Variants in LNPEP observed in about 807,000 individuals in gnomAD.
The protein encoded by LNPEP is leucyl-cystinyl aminopeptidase.
LNPEP carries 64 observed loss-of-function variants against 120.6 expected under a neutral mutation model. The observed-to-expected ratio is 0.53, with a 90% CI of 0.43 to 0.65. The LOEUF (loss-of-function observed/expected upper bound fraction) is 0.65. Among genes scored for constraint, LNPEP ranks in the 30% least tolerant of loss-of-function variants. The probability of loss-of-function intolerance (pLI) is 0.00; values close to 1 mark genes in which losing one functional copy is unlikely to be tolerated. For synonymous variants in LNPEP, 435 were observed against 425.4 expected (o/e 1.02, Z -0.28); for missense variants, 1,057 against 1,200.0 (o/e 0.88, Z 1.76).
intron 1 of LNPEP, among the ~76,000 whole-genome samples, chr5:96,953,526 A>T (rs2112569854): frequency 6.6e-6 from 1 of 152,322 alleles, no homozygotes; most frequent in East Asian, 1.9e-4. Flanking sequence ...GAGGCCATTT[A>T]AAGTCCTGTT....
intron 1 of LNPEP, among the ~76,000 whole-genome samples, chr5:96,976,787 A>C (rs1447774749): frequency 6.6e-6 from 1 of 152,158 alleles, no homozygotes; most frequent in Non-Finnish European, 1.5e-5. Flanking sequence ...GCAGTGTGCC[A>C]GGAACCAAAA....
At position 97,026,632 on chromosome 5, in the gene LNPEP, C is replaced by A. The variant is rs1344760382; in HGVS notation, c.2739C>A (p.Ser913Arg). Residue 913 changes from serine (S) to arginine (R), a missense_variant, in exon 16 of 18, where the codon AGC (serine) becomes AGA (arginine). Transcript: ENST00000231368. The part of the protein sequence containing the change: ...VRKLYWLMKS[S>R]LNGDNFRTQK... ...TGCTCTTCAGGTTAATGAAAAGTAG[C>A]CTGAATGGAGATAACTTCCGAACAC... The A allele has an allele frequency of 6.2e-7, 1 of 1,612,672 alleles. No homozygotes were observed.
At chr5:96,984,866 C>T (rs1162264134) in intron 2 of LNPEP, among the ~76,000 whole-genome samples, 2 of 152,138 alleles carry the variant, frequency 1.3e-5, no homozygotes, top group Non-Finnish European at 2.9e-5. Context: ...AATTTGTTTC[C>T]TTCCCTTTGT....
At chr5:97,001,567 C>T (rs983556318) in intron 8 of LNPEP, among the ~76,000 whole-genome samples, 1 of 151,972 alleles carries the variant, frequency 6.6e-6, no homozygotes, top group Non-Finnish European at 1.5e-5. Flanking sequence ...ATTTGGAAAC[C>T]TTGGAGTTGG....
intron 1 of LNPEP, among the ~76,000 whole-genome samples, chr5:96,948,309 G>A (rs536289120): frequency 1.3e-5 from 2 of 152,174 alleles, no homozygotes; most frequent in South Asian, 4.2e-4. Flanking sequence ...GTGGAGACAG[G>A]GTTACACCCT....
At chr5:97,005,585 A>C (rs1381917954) in intron 9 of LNPEP, among the ~76,000 whole-genome samples, 1 of 152,178 alleles carries the variant, frequency 6.6e-6, no homozygotes, top group African/African-American at 2.4e-5. Context: ...AGGTCCTAAG[A>C]GACTATCATT....
At chr5:96,995,009 G>A (rs1396274683) in intron 6 of LNPEP, among the ~76,000 whole-genome samples, 2 of 152,266 alleles carry the variant, frequency 1.3e-5, no homozygotes, top group East Asian at 1.9e-4. Flanking sequence ...TTGGGAGGCC[G>A]AGGCAAAAGA....
At position 97,024,577 on chromosome 5, in the gene LNPEP, G is replaced by C. The variant is rs757995821; in HGVS notation, c.2618G>C (p.Gly873Ala). Residue 873 changes from glycine (G) to alanine (A), a missense_variant, in exon 15 of 18, where the codon GGC becomes GCC. Gly to Ala is a moderately conservative substitution (Grantham distance 60). Coordinates refer to ENST00000231368, the MANE Select transcript of LNPEP (RefSeq NM_005575.3). The part of the protein sequence containing the change: ...VFKVGAKTDK[G>A]WSFLLGKYIS... ...AAAGTTGGAGCAAAAACTGACAAAG[G>C]CTGGTCATTCCTTTTGGGCAAATAC... 1.2e-6 allele frequency: 2 copies of C among 1,614,046 alleles called. No homozygotes were observed. The highest frequency in any genetic ancestry group is 2.7e-5 in the African/African-American group (2 of 75,050).
chr5:96,963,021 A>T (rs1339740333), intron 1 of LNPEP, among the ~76,000 whole-genome samples: 1 of 152,160 alleles, frequency 6.6e-6, no homozygotes, highest in Admixed American at 6.5e-5. Context: ...AGGAGTTTTT[A>T]TATAAAGAAT....
intron 1 of LNPEP, among the ~76,000 whole-genome samples, chr5:96,959,015 G>C (rs1230119415): frequency 1.3e-5 from 2 of 151,882 alleles, no homozygotes; most frequent in Non-Finnish European, 2.9e-5. Flanking sequence ...TAATAGAGAC[G>C]AGGTTTCACC....
rs536177018 is a variant in LNPEP, at chr5:96,979,826, A to G, written c.708A>G (p.Glu236=). Residue 236 remains glutamate, a synonymous_variant, in exon 2 of 18, where the codon GAA becomes GAG. Coordinates refer to ENST00000231368, the MANE Select transcript of LNPEP (RefSeq NM_005575.3). ...SSQEKQAEIL[E]YAYHGQIAIV... is the part of the protein sequence containing the mutation. ...AAGAAAAACAAGCTGAGATCCTGGA[A>G]TATGCATATCATGGACAGATCGCCA... 3 of 1,614,052 alleles carry G rather than the reference A, an allele frequency of 1.9e-6. No homozygotes were observed. Among genetic ancestry groups the G allele is most frequent in the Admixed American group, 3.3e-5 (2 of 59,990 alleles).
At chr5:96,967,312 AT>A (rs149275267) in intron 1 of LNPEP, among the ~76,000 whole-genome samples, 7,461 of 151,144 alleles carry the variant, frequency 0.049, 257 homozygotes, top group Middle Eastern at 0.12. Flanking sequence ...TATTATTATT[AT>A]TTTTTTTTTT....
intron 4 of LNPEP, among the ~76,000 whole-genome samples, chr5:96,988,340 T>TTTTC (rs1554068528): frequency 4.7e-4 from 18 of 37,924 alleles, no homozygotes; most frequent in African/African-American, 2.1e-3. Context: ...TTTTCTTTTC[T>TTTTC]TTTTTTTTTT....
chr5:96,980,331 A>G (rs1482783548), intron 2 of LNPEP, among the ~76,000 whole-genome samples: 2 of 152,128 alleles, frequency 1.3e-5, no homozygotes, highest in African/African-American at 4.8e-5. Context: ...TTTAAGACCT[A>G]TTTTCCTAAT....
chr5:96,976,349 C>G (rs1212544687), intron 1 of LNPEP, among the ~76,000 whole-genome samples: 1 of 152,026 alleles, frequency 6.6e-6, no homozygotes, highest in East Asian at 1.9e-4. Context: ...ATTATTCTGA[C>G]TGGGAGTGAA....
chr5:96,977,550 C>T (rs1046070344), intron 1 of LNPEP, among the ~76,000 whole-genome samples: 4 of 152,070 alleles, frequency 2.6e-5, no homozygotes, highest in African/African-American at 9.7e-5. Context: ...TGTTAAAATT[C>T]GTATTCTAGG....
At chr5:96,986,402 G>A in intron 3 of LNPEP, 137 bp from the exon 4 acceptor site, 1 of 812,028 alleles carries the variant, frequency 1.2e-6, no homozygotes, top group African/African-American at 1.7e-5. Flanking sequence ...GCTCTTTGCA[G>A]AAATTCATAC....
intron 15 of LNPEP, among the ~76,000 whole-genome samples, chr5:97,025,547 G>A (rs1042507947): frequency 6.6e-6 from 1 of 152,130 alleles, no homozygotes; most frequent in Non-Finnish European, 1.5e-5. Context: ...TAAGAATATA[G>A]AGTAAAATAT....
intron 1 of LNPEP, among the ~76,000 whole-genome samples, chr5:96,946,764 T>G (rs1561426987): frequency 6.6e-6 from 1 of 152,206 alleles, no homozygotes; most frequent in Non-Finnish European, 1.5e-5. Context: ...GTTTTATCAA[T>G]CCAATGAGTC....
Sources: allele counts gnomAD v4.1 joint callset (sites outside exome capture counted in the v4.1 genomes callset), GRCh38; gene constraint gnomAD v4.1.1; transcripts MANE v1.5; gene names NCBI Gene and HGNC (gene_info 2026-07-23, HGNC 2026-07-21).